The following GPR137C variants were observed in gnomAD, a reference collection of about 807,000 sequenced individuals.
GPR137C encodes the protein G protein-coupled receptor 137C, also known as integral membrane protein GPR137C.
Under a neutral mutation model 43.4 loss-of-function variants are expected in GPR137C, and 27 were observed. The observed-to-expected ratio is 0.62, with a 90% CI of 0.46 to 0.86. GPR137C has a LOEUF of 0.86. Ranked by LOEUF, GPR137C falls within the 40% of genes least tolerant of loss-of-function variation. The probability of loss-of-function intolerance (pLI) is 0.00; values close to 1 mark genes in which losing one functional copy is unlikely to be tolerated. For synonymous variants in GPR137C, 285 were observed against 226.9 expected (o/e 1.26, Z -2.30); for missense variants, 522 against 534.6 (o/e 0.98, Z 0.23).
intron 1 of GPR137C, among the ~76,000 whole-genome samples, chr14:52,589,393 G>A (rs1451185838): frequency 6.6e-6 from 1 of 152,086 alleles, no homozygotes; most frequent in African/African-American, 2.4e-5. Flanking sequence ...TTCTATCTAT[G>A]TTACCACAAT....
At chr14:52,607,164 G>A (rs946183685) in intron 3 of GPR137C, among the ~76,000 whole-genome samples, 2 of 152,102 alleles carry the variant, frequency 1.3e-5, no homozygotes, top group African/African-American at 4.8e-5. Flanking sequence ...GATATGATTT[G>A]ACTTTGTTTA....
intron 1 of GPR137C, among the ~76,000 whole-genome samples, chr14:52,554,144 T>G (rs2139422837): frequency 6.6e-6 from 1 of 152,330 alleles, no homozygotes. Context: ...TAAATTTCGT[T>G]CGATAGTTCC....
chr14:52,555,057 T>C (rs2038171894), intron 1 of GPR137C, among the ~76,000 whole-genome samples: 1 of 152,042 alleles, frequency 6.6e-6, no homozygotes, highest in Non-Finnish European at 1.5e-5. Context: ...TTCTACCCTT[T>C]ATACTTAAAC....
At position 52,560,701 on chromosome 14, in the gene GPR137C, C is replaced by T. The variant is rs533285177; in HGVS notation, c.444+7110C>T. 6.6e-5 allele frequency among the ~76,000 whole-genome samples: 10 copies of T among 152,136 alleles called. 1 individual carries two copies. Among genetic ancestry groups the T allele is most frequent in the South Asian group, 2.1e-4 (1 of 4,810 alleles). ...AATAATTCCAAAATAATTGAATATTCGTATGGGAAAAATGAACATTGATTG... is the reference window on the plus strand; with the variant it reads ...AATAATTCCAAAATAATTGAATATTTGTATGGGAAAAATGAACATTGATTG... On this transcript the variant is annotated intron_variant, in intron 1 of 6. Transcript: ENST00000321662.
chr14:52,589,682 C>T (rs1421147201), intron 1 of GPR137C, among the ~76,000 whole-genome samples: 1 of 152,200 alleles, frequency 6.6e-6, no homozygotes, highest in South Asian at 2.1e-4. Context: ...AGTCAGGCAC[C>T]GCATAACAAC....
At position 52,564,901 on chromosome 14, in the gene GPR137C, T is replaced by G. The variant is rs1422035831; in HGVS notation, c.444+11310T>G. Among the ~76,000 whole-genome samples the G allele has an allele frequency of 1.3e-4, 20 of 152,136 alleles. No homozygotes were observed. In the East Asian group the frequency reaches 4.0e-3, roughly 30 times the overall value. On this transcript the variant is annotated intron_variant, in intron 1 of 6. Coordinates refer to ENST00000321662, the MANE Select transcript of GPR137C (RefSeq NM_001099652.2). ...AGAATTTGGTCTACCCTTTTCTTCC[T>G]TCTCTTTTCCCACTTATCTACCTCC...
At chr14:52,563,686 C>A (rs764282705) in intron 1 of GPR137C, among the ~76,000 whole-genome samples, 1 of 152,126 alleles carries the variant, frequency 6.6e-6, no homozygotes, top group Non-Finnish European at 1.5e-5. Flanking sequence ...CTTTTGTTCC[C>A]CATTTCCGTG....
intron 1 of GPR137C, among the ~76,000 whole-genome samples, chr14:52,567,660 T>TTG (rs1491085477): frequency 7.0e-6 from 1 of 143,302 alleles, no homozygotes; most frequent in Admixed American, 7.1e-5. Context: ...TTTTTTTTTT[T>TTG]GGTTTTTTTT....
chr14:52,619,592 A>C (rs1262893288), intron 3 of GPR137C, among the ~76,000 whole-genome samples: 1 of 152,062 alleles, frequency 6.6e-6, no homozygotes, highest in African/African-American at 2.4e-5. Context: ...GCTTACACTT[A>C]GGTTTATATC....
rs1403181083 is a variant in GPR137C, at chr14:52,581,051, C to T, written c.445-17221C>T. ...CCACTGAAAAGTACAAAAGAATTAG[C>T]CGGGCATGGTGGCAGATGCCTGTAA... On this transcript the variant is annotated intron_variant, in intron 1 of 6. Coordinates refer to ENST00000321662, the MANE Select transcript of GPR137C (RefSeq NM_001099652.2). Among the ~76,000 whole-genome samples, 4 of 151,206 alleles carry T rather than the reference C, an allele frequency of 2.6e-5. 1 individual carries two copies. The highest frequency in any genetic ancestry group is 2.6e-4 in the Admixed American group (4 of 15,160).
At chr14:52,570,158 C>T (rs1009090111) in intron 1 of GPR137C, among the ~76,000 whole-genome samples, 1 of 152,144 alleles carries the variant, frequency 6.6e-6, no homozygotes, top group Non-Finnish European at 1.5e-5. Context: ...CTGCAGAAAC[C>T]CTATAAGCCA....
intron 1 of GPR137C, among the ~76,000 whole-genome samples, chr14:52,562,645 A>C (rs2038303591): frequency 6.6e-6 from 1 of 152,204 alleles, no homozygotes; most frequent in African/African-American, 2.4e-5. Context: ...AGAAATGTTT[A>C]AAACAGTTAT....
In GPR137C at chr14:52,623,687, A is replaced by ATTTTCATAAT. The variant is rs1391263992; in HGVS notation, c.718-8469_718-8468insCATAATTTTT. Among the ~76,000 whole-genome samples the ATTTTCATAAT allele has an allele frequency of 4.3e-3, 662 of 152,226 alleles. 3 individuals carry two copies. Among genetic ancestry groups the ATTTTCATAAT allele is most frequent in the African/African-American group, 0.015 (642 of 41,526 alleles). The stretch of plus-strand genomic sequence containing the variant: ...AGAGGCTTCATAATATTTTCATAAT[A>ATTTTCATAAT]TTTTTTCCTTATTTATAGTTTCACT... On this transcript the variant is annotated intron_variant, in intron 3 of 6. Transcript: ENST00000321662.
intron 3 of GPR137C, among the ~76,000 whole-genome samples, chr14:52,618,354 A>T (rs1347524694): frequency 2.0e-5 from 3 of 152,196 alleles, no homozygotes. Context: ...TTGCATTGAC[A>T]TGATAGACTG....
chr14:52,614,340 C>T (rs2039073673), intron 3 of GPR137C, among the ~76,000 whole-genome samples: 1 of 151,962 alleles, frequency 6.6e-6, no homozygotes, highest in African/African-American at 2.4e-5. Flanking sequence ...AGGCTGGTCT[C>T]AAACTCCTGA....
At chr14:52,612,340 A>G (rs1019276561) in intron 3 of GPR137C, 1 of 905,794 alleles carries the variant, frequency 1.1e-6, no homozygotes, top group African/African-American at 1.8e-5. Flanking sequence ...GCTGCATAAC[A>G]TTTCATCATA....
At chr14:52,602,238 A>G (rs1017995479) in intron 3 of GPR137C, among the ~76,000 whole-genome samples, 20 of 151,914 alleles carry the variant, frequency 1.3e-4, no homozygotes, top group Non-Finnish European at 2.4e-4. Flanking sequence ...AGTGTACAAT[A>G]ATAGTCATTC....
intron 2 of GPR137C, 104 bp from the exon 3 acceptor site, chr14:52,600,009 T>C: frequency 1.3e-6 from 1 of 744,480 alleles, no homozygotes; most frequent in Non-Finnish European, 2.2e-6. Flanking sequence ...TCATAAACAT[T>C]TCAAACTGAA....
intron 1 of GPR137C, among the ~76,000 whole-genome samples, chr14:52,569,308 G>T (rs1415374605): frequency 6.6e-6 from 1 of 151,914 alleles, no homozygotes; most frequent in African/African-American, 2.4e-5. Flanking sequence ...AAAGACCAAA[G>T]GTAGGTAAAT....
Sources: gnomAD v4.1 joint callset for allele counts (sites outside exome capture counted in the v4.1 genomes callset) on GRCh38, gnomAD v4.1.1 for gene constraint, MANE v1.5 for transcripts, NCBI Gene and HGNC (gene_info 2026-07-23, HGNC 2026-07-21) for gene names.